The following FBXO28 variants were observed in gnomAD, a reference collection of about 807,000 sequenced individuals.
The protein encoded by FBXO28 is F-box protein 28, also known as F-box only protein 28.
Under a neutral mutation model 38.1 loss-of-function variants are expected in FBXO28, and 8 were observed. That is an observed-to-expected ratio of 0.21 (90% CI 0.12 to 0.38). The LOEUF is 0.38. Among genes scored for constraint, FBXO28 ranks in the 10% least tolerant of loss-of-function variants. FBXO28 has a pLI of 1.00. For missense variants in FBXO28, 345 were observed against 460.6 expected, an observed-to-expected ratio of 0.75 and a Z score of 2.30; for synonymous variants, 168 against 173.8, an observed-to-expected ratio of 0.97 and a Z score of 0.26.
chr1:224,148,680 A>G (rs954646423), intron 3 of FBXO28, among the ~76,000 whole-genome samples: 1 of 151,740 alleles, frequency 6.6e-6, no homozygotes, highest in Non-Finnish European at 1.5e-5. Context: ...AAAAAAAAAA[A>G]GAAAAGAAAC....
chr1:224,115,692 A>G (rs1374163680), intron 1 of FBXO28, among the ~76,000 whole-genome samples: 1 of 152,202 alleles, frequency 6.6e-6, no homozygotes, highest in Non-Finnish European at 1.5e-5. Context: ...AATTTCATGT[A>G]GAATCTTAAA....
intron 1 of FBXO28, among the ~76,000 whole-genome samples, chr1:224,123,728 A>G (rs1656838518): frequency 6.6e-6 from 1 of 152,208 alleles, no homozygotes; most frequent in Non-Finnish European, 1.5e-5. Flanking sequence ...TATATATCGT[A>G]GGTCTATTCC....
Position 224,138,434 on chromosome 1 carries a change from A to T in FBXO28, c.516+4222A>T, listed in dbSNP as rs1418936132. ...CCTGCGTTCCAGTAAAACTTTATTT[A>T]CAAAACCAGGCATAGGCTAAATAGG... is the stretch of plus-strand genomic sequence containing the variant. On this transcript the variant is annotated intron_variant, in intron 3 of 4. Transcript: ENST00000366862. Among the ~76,000 whole-genome samples the T allele has an allele frequency of 2.6e-5, 4 of 151,884 alleles. No individual in the cohort carries two copies. The East Asian group carries it at 7.7e-4, about 29-fold the overall frequency.
At chr1:224,114,435 G>A (rs1656595036) in intron 1 of FBXO28, 39 bp downstream of exon 1, 6 of 1,419,050 alleles carry the variant, frequency 4.2e-6, no homozygotes, top group Non-Finnish European at 4.6e-6. Flanking sequence ...CTCTCCCCCC[G>A]GCCGAGGTCT....
chr1:224,119,536 G>A (rs1656724493), intron 1 of FBXO28, among the ~76,000 whole-genome samples: 1 of 151,964 alleles, frequency 6.6e-6, no homozygotes, highest in Middle Eastern at 3.2e-3. Flanking sequence ...ATCTCTTGGG[G>A]GCAGTTCGTT....
intron 3 of FBXO28, among the ~76,000 whole-genome samples, chr1:224,146,060 CCTT>C (rs1439928610): frequency 6.1e-5 from 9 of 147,676 alleles, no homozygotes; most frequent in East Asian, 2.0e-4. Flanking sequence ...TAGCGAAACT[CCTT>C]CTCAAAAAAA....
intron 1 of FBXO28, among the ~76,000 whole-genome samples, 153 bp from the exon 2 acceptor site, chr1:224,130,319 G>A (rs983645560): frequency 2.3e-4 from 35 of 152,334 alleles, no homozygotes; most frequent in African/African-American, 7.9e-4. Flanking sequence ...TCCAGCCTGG[G>A]CGACAGAGTG....
intron 1 of FBXO28, among the ~76,000 whole-genome samples, chr1:224,124,528 T>G (rs1263699679): frequency 6.6e-6 from 1 of 152,188 alleles, no homozygotes; most frequent in African/African-American, 2.4e-5. Flanking sequence ...TAAAATTTCT[T>G]CCCTTTAGCT....
chr1:224,157,834 T>C lies in FBXO28; in HGVS notation c.*88T>C. On this transcript the variant is annotated 3_prime_UTR_variant, in exon 5 of 5. Coordinates refer to ENST00000366862, the MANE Select transcript of FBXO28 (RefSeq NM_015176.4). ...TCAGGATACTGTGAGCAACATGGTGTCCCTTAAGCTTCTAGGCTTTCAGAA... is the reference window on the plus strand; with the variant it reads ...TCAGGATACTGTGAGCAACATGGTGCCCCTTAAGCTTCTAGGCTTTCAGAA... The C allele has an allele frequency of 6.7e-7, 1 of 1,486,180 alleles. No individual in the cohort carries two copies. 92.1% of individuals were successfully genotyped at this position (1,486,180 alleles called of 1,614,324 possible).
chr1:224,133,038 A>G (rs1192656172), intron 2 of FBXO28, among the ~76,000 whole-genome samples: 1 of 152,222 alleles, frequency 6.6e-6, no homozygotes, highest in African/African-American at 2.4e-5. Flanking sequence ...TATCTGCATG[A>G]TGGAATATTA....
intron 1 of FBXO28, among the ~76,000 whole-genome samples, chr1:224,127,046 A>G (rs1311829939): frequency 2.0e-5 from 3 of 151,286 alleles, no homozygotes; most frequent in Non-Finnish European, 4.4e-5. Context: ...GAAGTTCAGT[A>G]CTGGTGTTTG....
chr1:224,137,478 A>C (rs1657220183), intron 3 of FBXO28, among the ~76,000 whole-genome samples: 1 of 151,606 alleles, frequency 6.6e-6, no homozygotes, highest in South Asian at 2.1e-4. Flanking sequence ...AGCCAAGATC[A>C]TGCCACTGCA....
At position 224,138,748 on chromosome 1, in the gene FBXO28, T is replaced by C. The variant is rs571218106; in HGVS notation, c.516+4536T>C. On this transcript the variant is annotated intron_variant, in intron 3 of 4. Coordinates refer to ENST00000366862, the MANE Select transcript of FBXO28 (RefSeq NM_015176.4). ...TCTTTTTTATTTTTTTGTTTTTTCT[T>C]TTTTTTTATATTTTTAGAGACGGGG... is the stretch of plus-strand genomic sequence containing the variant. Among the ~76,000 whole-genome samples, 313 of 151,598 alleles carry C rather than the reference T, an allele frequency of 2.1e-3. 8 individuals carry two copies. Among genetic ancestry groups the C allele is most frequent in the African/African-American group, 6.5e-3 (269 of 41,086 alleles).
chr1:224,149,122 G>A (rs1002394937), intron 3 of FBXO28, among the ~76,000 whole-genome samples: 2 of 151,922 alleles, frequency 1.3e-5, no homozygotes, highest in Non-Finnish European at 2.9e-5. Flanking sequence ...AATATCTAGA[G>A]GTATATTAAT....
intron 1 of FBXO28, among the ~76,000 whole-genome samples, chr1:224,119,064 C>T (rs1656710464): frequency 6.6e-6 from 1 of 151,912 alleles, no homozygotes; most frequent in South Asian, 2.1e-4. Flanking sequence ...GCCCAGACCA[C>T]ACTTTGAGGA....
chr1:224,141,994 A>G (rs1036780125), intron 3 of FBXO28, among the ~76,000 whole-genome samples: 49 of 151,874 alleles, frequency 3.2e-4, no homozygotes, highest in African/African-American at 2.2e-4. Context: ...ACTCAAGACA[A>G]TCCTCCCACC....
At chr1:224,150,830 T>C (rs1657624782) in intron 3 of FBXO28, among the ~76,000 whole-genome samples, 1 of 152,198 alleles carries the variant, frequency 6.6e-6, no homozygotes, top group South Asian at 2.1e-4. Context: ...ACCCTCTTTT[T>C]TCCATGTGGC....
intron 1 of FBXO28, among the ~76,000 whole-genome samples, chr1:224,125,500 TA>T (rs1269135281): frequency 6.6e-6 from 1 of 152,172 alleles, no homozygotes; most frequent in East Asian, 1.9e-4. Context: ...ACCACGTCTT[TA>T]GTCCTGGTAT....
rs372428012 is a variant in FBXO28 at position 224,141,340 on chromosome 1, G to A, written c.516+7128G>A. ...CAAAAAATTAGCCAGGCATGGTGGC[G>A]GGTGCCTGTAGTCCCAGCTACTTGG... is the stretch of plus-strand genomic sequence containing the variant. On this transcript the variant is annotated intron_variant, in intron 3 of 4. Coordinates refer to ENST00000366862, the MANE Select transcript of FBXO28 (RefSeq NM_015176.4). Among the ~76,000 whole-genome samples, 177 of 149,512 alleles carry A rather than the reference G, an allele frequency of 1.2e-3. 1 individual carries two copies. The highest frequency in any genetic ancestry group is 7.7e-3 in the Admixed American group (115 of 15,014).
Sources: allele counts gnomAD v4.1 joint callset (sites outside exome capture counted in the v4.1 genomes callset), GRCh38; gene constraint gnomAD v4.1.1; transcripts MANE v1.5; gene names NCBI Gene and HGNC (gene_info 2026-07-23, HGNC 2026-07-21).